The following TSPAN15 variants were observed in gnomAD, a reference collection of about 807,000 sequenced individuals.
TSPAN15 encodes tetraspanin 15.
TSPAN15 carries 20 observed loss-of-function variants against 34.5 expected under a neutral mutation model. That is an observed-to-expected ratio of 0.58 (90% CI 0.41 to 0.84). The LOEUF is 0.84. Ranked by LOEUF, TSPAN15 falls within the 40% of genes least tolerant of loss-of-function variation. The probability of loss-of-function intolerance (pLI) is 0.00; values close to 1 mark genes in which losing one functional copy is unlikely to be tolerated. For missense variants in TSPAN15, 313 were observed against 386.1 expected (o/e 0.81, Z 1.59); for synonymous variants, 155 against 153.9 (o/e 1.01, Z -0.05).
At chr10:69,480,976 G>A (rs1173104125) in intron 1 of TSPAN15, among the ~76,000 whole-genome samples, 1 of 152,198 alleles carries the variant, frequency 6.6e-6, no homozygotes, top group South Asian at 2.1e-4. Flanking sequence ...GGGATTACAG[G>A]CGTGAGCCAC....
At chr10:69,460,651 C>T (rs1183208494) in intron 1 of TSPAN15, among the ~76,000 whole-genome samples, 3 of 152,112 alleles carry the variant, frequency 2.0e-5, no homozygotes, top group African/African-American at 7.2e-5. Flanking sequence ...GCCTGACCAC[C>T]ACATTTTGCT....
At chr10:69,487,027 T>C (rs557156574) in intron 3 of TSPAN15, among the ~76,000 whole-genome samples, 3 of 152,056 alleles carry the variant, frequency 2.0e-5, no homozygotes, top group African/African-American at 2.4e-5. Flanking sequence ...CATTTGCCCA[T>C]GGGGCTGCCT....
chr10:69,530,844 A>C, the TSPAN15 span, among the ~76,000 whole-genome samples: 9 of 124,946 alleles, frequency 7.2e-5, no homozygotes, highest in African/African-American at 8.7e-5. Flanking sequence ...ATATATATAT[A>C]TATATATATA....
chr10:69,486,498 G>T (rs1372267926), intron 3 of TSPAN15, among the ~76,000 whole-genome samples: 1 of 149,230 alleles, frequency 6.7e-6, no homozygotes, highest in Non-Finnish European at 1.5e-5. Context: ...TGGAGCAGTG[G>T]TGCAGTCATA....
chr10:69,491,166 C>G (rs1841960527), intron 3 of TSPAN15, among the ~76,000 whole-genome samples: 2 of 152,222 alleles, frequency 1.3e-5, no homozygotes, highest in African/African-American at 2.4e-5. Flanking sequence ...CACGCCCCTT[C>G]CCACCTTCTC....
the TSPAN15 span, among the ~76,000 whole-genome samples, chr10:69,545,635 G>C: frequency 1.3e-5 from 2 of 152,254 alleles, no homozygotes; most frequent in South Asian, 2.1e-4. Context: ...TACTCTAGGA[G>C]GTAGCTGAGG....
At position 69,506,963 on chromosome 10, in the gene TSPAN15, G is replaced by A. The variant is rs1364370984; in HGVS notation, c.870G>A (p.Leu290=). 3.1e-6 allele frequency: 5 copies of A among 1,609,078 alleles called. No homozygotes were observed. The highest frequency in any genetic ancestry group is 1.1e-5 in the South Asian group (1 of 89,540). Residue 290 remains leucine, a synonymous_variant, in exon 8 of 8, where the codon TTG becomes TTA. Coordinates refer to ENST00000373290, the MANE Select transcript of TSPAN15 (RefSeq NM_012339.5). This position sits in a 1 kb window ranked among gnomAD's most constrained non-coding sequence, Gnocchi z 4.7. The part of the protein sequence containing the change: ...SVEAAGTGCC[L]CYPN ...AGGCGGCAGGCACGGGATGCTGCTT[G>A]TGCTACCCCAATTAGGGCCCAGCCT... is the stretch of plus-strand genomic sequence containing the variant.
At chr10:69,511,788 C>A (rs1236399955), downstream of TSPAN15, among the ~76,000 whole-genome samples, 1 of 152,016 alleles carries the variant, frequency 6.6e-6, no homozygotes, top group Non-Finnish European at 1.5e-5. Context: ...GTTCTCATTG[C>A]AGGGACATGG....
chr10:69,523,374 G>A, the TSPAN15 span: 3 of 582,936 alleles, frequency 5.1e-6, no homozygotes, highest in Non-Finnish European at 9.4e-6. Flanking sequence ...AAGTCTGGAT[G>A]CTGGGGTCTC....
chr10:69,512,398 A>G (rs867490278), downstream of TSPAN15, among the ~76,000 whole-genome samples: 136 of 152,370 alleles, frequency 8.9e-4, no homozygotes, highest in African/African-American at 3.0e-3. Context: ...TTGTATAAAA[A>G]TGTCCAATAC....
intron 1 of TSPAN15, among the ~76,000 whole-genome samples, 164 bp from the exon 2 acceptor site, chr10:69,483,527 G>T (rs1446247318): frequency 6.6e-6 from 1 of 152,170 alleles, no homozygotes; most frequent in Non-Finnish European, 1.5e-5. Context: ...GATTTCAATA[G>T]AGAAAATTTG....
rs79744211 is a variant in TSPAN15, at chr10:69,490,274, G to T, written c.357+5059G>T. Among the ~76,000 whole-genome samples, 54 of 152,292 alleles carry T rather than the reference G, an allele frequency of 3.5e-4. No homozygotes were observed. In the East Asian group the frequency reaches 0.01, roughly 28 times the overall value. Reference sequence around the variant, plus strand: ...CCTGAATATATAAAGTTTTCCCTTGGTGTCCGACGGGGATTGGTTCCAGAA... The same window carrying T: ...CCTGAATATATAAAGTTTTCCCTTGTTGTCCGACGGGGATTGGTTCCAGAA... On this transcript the variant is annotated intron_variant, in intron 3 of 7. Coordinates refer to ENST00000373290, the MANE Select transcript of TSPAN15 (RefSeq NM_012339.5).
chr10:69,453,650 TG>T (rs1841023007), intron 1 of TSPAN15, among the ~76,000 whole-genome samples: 1 of 152,258 alleles, frequency 6.6e-6, no homozygotes, highest in Non-Finnish European at 1.5e-5. Flanking sequence ...ATTAGTGATA[TG>T]GGGAAAGAGT....
the TSPAN15 span, among the ~76,000 whole-genome samples, chr10:69,520,331 T>C: frequency 1.3e-5 from 2 of 152,224 alleles, no homozygotes; most frequent in African/African-American, 2.4e-5. Flanking sequence ...ACCCATGTTA[T>C]AGCATTTGTG....
At chr10:69,530,668 T>G in the TSPAN15 span, among the ~76,000 whole-genome samples, 2 of 142,560 alleles carry the variant, frequency 1.4e-5, no homozygotes, top group African/African-American at 2.6e-5. Context: ...TAGCCAGGGG[T>G]GGTGGTGTGT....
chr10:69,505,826 ACAGG>A (rs1842313361), intron 6 of TSPAN15: 1 of 285,884 alleles, frequency 3.5e-6, no homozygotes, highest in Admixed American at 5.0e-5. Context: ...TGAGAAGCAC[ACAGG>A]CAGGGCAGTT....
At chr10:69,504,612 C>A in intron 6 of TSPAN15, 127 bp downstream of exon 6, 1 of 991,884 alleles carries the variant, frequency 1.0e-6, no homozygotes, top group Non-Finnish European at 1.6e-6. Flanking sequence ...GGCTGTGACC[C>A]AGAGCCAGGA....
intron 1 of TSPAN15, among the ~76,000 whole-genome samples, chr10:69,454,774 G>GCC (rs1232165262): frequency 6.6e-6 from 1 of 152,128 alleles, no homozygotes; most frequent in Non-Finnish European, 1.5e-5. Flanking sequence ...TTGAGATTGT[G>GCC]CCACTGCACT....
At chr10:69,462,092 CA>C (rs1841275432) in intron 1 of TSPAN15, among the ~76,000 whole-genome samples, 1 of 151,786 alleles carries the variant, frequency 6.6e-6, no homozygotes. Flanking sequence ...GTGATCCTCC[CA>C]CCTCAGCCTC....
Sources: gnomAD v4.1 joint callset for allele counts (sites outside exome capture counted in the v4.1 genomes callset) on GRCh38, gnomAD v4.1.1 for gene constraint, Gnocchi (gnomAD v3.1) non-coding constraint, MANE v1.5 for transcripts, NCBI Gene and HGNC (gene_info 2026-07-23, HGNC 2026-07-21) for gene names.